The following TSC2 variants were observed in gnomAD, a reference collection of about 807,000 sequenced individuals.
TSC2 encodes the protein TSC complex subunit 2.
In TSC2, 29 loss-of-function variants were observed where a neutral mutation model predicts 202.2. The observed-to-expected ratio is 0.14, with a 90% CI of 0.11 to 0.20. TSC2 has a LOEUF of 0.20. TSC2 is among the 10% of genes least tolerant of loss of function. TSC2 has a pLI of 1.00. For missense variants in TSC2, 2,429 were observed against 2,420.0 expected, an observed-to-expected ratio of 1.00 and a Z score of -0.08; for synonymous variants, 1,349 against 1,044.0, an observed-to-expected ratio of 1.29 and a Z score of -5.63.
intron 26 of TSC2, chr16:2,078,696 G>C: frequency 2.5e-6 from 1 of 399,326 alleles, no homozygotes; most frequent in Non-Finnish European, 4.7e-6. Context: ...GGGCCTGTCT[G>C]TGTGGCCTCC....
rs886051794 is a variant in TSC2 at position 2,084,440 on chromosome 16, C to T, written c.4218C>T (p.Asp1406=). 48 of 1,609,392 alleles carry T rather than the reference C, an allele frequency of 3.0e-5. 1 individual carries two copies. Among genetic ancestry groups the T allele is most frequent in the South Asian group, 5.5e-5 (5 of 90,462 alleles). Residue 1406 remains aspartate, a synonymous_variant, in exon 34 of 42, where the codon GAC becomes GAT. Coordinates refer to ENST00000219476, the MANE Select transcript of TSC2 (RefSeq NM_000548.5). ...DILGDPGDKA[D]VGRLSPEVKA... ...TCGGGGACCCTGGGGACAAGGCCGACGTGGGCCGGCTGAGCCCTGAGGTTA... is the reference window on the plus strand; with the variant it reads ...TCGGGGACCCTGGGGACAAGGCCGATGTGGGCCGGCTGAGCCCTGAGGTTA...
Position 2,081,687 on chromosome 16 carries a change from C to T in TSC2, c.3703C>T (p.Leu1235Phe), listed in dbSNP as rs137854303. The T allele has an allele frequency of 1.2e-6, 2 of 1,612,978 alleles. No individual in the cohort carries two copies. Among genetic ancestry groups the T allele is most frequent in the South Asian group, 1.1e-5 (1 of 91,088 alleles). The change falls in exon 31 of 42, where the codon CTC (leucine) becomes TTC (phenylalanine). Residue 1235 changes from leucine to phenylalanine, a missense_variant. Transcript: ENST00000219476. ...NMPLQELSNA[L>F]MAAERFKEHR... ...GCCCCTGCAGGAGCTGTCTAACGCC[C>T]TCATGGCGGCTGAGCGCTTCAAGGA...
intron 15 of TSC2, chr16:2,064,914 GA>G (rs2087111957): frequency 4.3e-6 from 1 of 230,514 alleles, no homozygotes; most frequent in Non-Finnish European, 8.6e-6. Context: ...AGGAGTTCAA[GA>G]CCAGCCTGGC....
chr16:2,076,254 A>T, intron 24 of TSC2, 84 bp downstream of exon 24: 1 of 1,593,772 alleles, frequency 6.3e-7, no homozygotes, highest in Non-Finnish European at 8.5e-7. Context: ...GGGCAGAGTG[A>T]CAGGCAGGTG....
chr16:2,069,528 G>A (rs898434606), intron 16 of TSC2, among the ~76,000 whole-genome samples: 1 of 150,030 alleles, frequency 6.7e-6, no homozygotes, highest in Non-Finnish European at 1.5e-5. Flanking sequence ...CGCCCAGGCT[G>A]GAGTGCAGTG....
chr16:2,058,943 C>G, intron 10 of TSC2, 70 bp downstream of exon 10: 1 of 1,567,734 alleles, frequency 6.4e-7, no homozygotes, highest in Non-Finnish European at 8.6e-7. Flanking sequence ...CCCACCCATC[C>G]CACTGGGGGT....
At chr16:2,067,712 G>A (rs759767798) in intron 16 of TSC2, among the ~76,000 whole-genome samples, 7 of 152,206 alleles carry the variant, frequency 4.6e-5, no homozygotes, top group African/African-American at 7.2e-5. Flanking sequence ...AGAGGGTACA[G>A]TAAGCCCAGA....
intron 22 of TSC2, 41 bp downstream of exon 22, chr16:2,074,430 G>C (rs756581706): frequency 6.2e-7 from 1 of 1,602,324 alleles, no homozygotes; most frequent in South Asian, 1.1e-5. Context: ...CGAGAGGTTC[G>C]GGCTGTGTAA....
At chr16:2,083,471 C>T (rs2090381426) in intron 32 of TSC2, 5 of 738,220 alleles carry the variant, frequency 6.8e-6, no homozygotes, top group East Asian at 2.7e-5. Flanking sequence ...ATTGCCTGCC[C>T]AACCCCCGGG....
At chr16:2,089,491 AC>A (rs1053597274), downstream of TSC2, 3 of 576,952 alleles carry the variant, frequency 5.2e-6, no homozygotes, top group African/African-American at 3.8e-5. Flanking sequence ...GAGGCTAGAA[AC>A]CGTCCAATAC....
intron 30 of TSC2, 28 bp from the exon 31 acceptor site, chr16:2,081,567 C>T (rs45517303): frequency 7.4e-6 from 12 of 1,612,704 alleles, no homozygotes; most frequent in Non-Finnish European, 1.0e-5. Context: ...GTACTGGCCT[C>T]AGGCCAAAGG....
chr16:2,056,784 A>T lies in TSC2; in HGVS notation c.774+15A>T, dbSNP rs747841616. On this transcript the variant is annotated intron_variant, in intron 8 of 41. Transcript: ENST00000219476. ...CTTGCTGGAAGGTGGGGTTTCTGAA[A>T]CTGCTCTGGAAGGTTCCTGAGAGCA... is the stretch of plus-strand genomic sequence containing the variant. 3 of 1,605,460 alleles carry T rather than the reference A, an allele frequency of 1.9e-6. No individual in the cohort carries two copies. The highest frequency in any genetic ancestry group is 2.5e-6 in the Non-Finnish European group (3 of 1,179,928).
At chr16:2,064,217 C>A in intron 14 of TSC2, 55 bp from the exon 15 acceptor site, 3 of 1,613,174 alleles carry the variant, frequency 1.9e-6, no homozygotes, top group Non-Finnish European at 2.5e-6. Context: ...GGAAGTGTCA[C>A]GAGATGTGGC....
At position 2,075,400 on chromosome 16, in the gene TSC2, G is replaced by A. The variant is rs146540014; in HGVS notation, c.2546-399G>A. On this transcript the variant is annotated intron_variant, in intron 22 of 41. Coordinates refer to ENST00000219476, the MANE Select transcript of TSC2 (RefSeq NM_000548.5). ...AAACTAGCCAGGCGTGGTGGCGGGC[G>A]CCTGTAGTCCCAGCTACTTGGGAGG... The A allele has an allele frequency of 3.0e-3, 640 of 210,664 alleles. 2 individuals carry two copies. The highest frequency in any genetic ancestry group is 0.013 in the East Asian group (112 of 8,332). The allele number at this position is 210,664 out of a possible 1,614,324, so 13.0% of individuals were successfully genotyped here. A position where few individuals can be genotyped will look rare whatever the true frequency, so the allele number is the denominator to read the frequency against.
chr16:2,073,091 G>T, intron 21 of TSC2, 108 bp downstream of exon 21: 1 of 1,544,496 alleles, frequency 6.5e-7, no homozygotes, highest in South Asian at 1.2e-5. Context: ...CCAGGCCAGG[G>T]ATGAGTGAGT....
At chr16:2,077,312 CCA>C in intron 25 of TSC2, 2 of 454,962 alleles carry the variant, frequency 4.4e-6, no homozygotes, top group Non-Finnish European at 8.2e-6. Context: ...TGGGGGTGAC[CCA>C]CACACGTTTA....
At chr16:2,082,346 C>G in intron 31 of TSC2, 90 bp from the exon 32 acceptor site, 1 of 1,483,476 alleles carries the variant, frequency 6.7e-7, no homozygotes, top group East Asian at 2.3e-5. Flanking sequence ...TGCCCTCTCT[C>G]CTCTGCAGGC....
At chr16:2,080,424 A>C (rs749111766) in intron 30 of TSC2, 47 bp downstream of exon 30, 1 of 1,603,044 alleles carries the variant, frequency 6.2e-7, no homozygotes, top group Non-Finnish European at 8.5e-7. Flanking sequence ...CCAGTCACCC[A>C]CAGAGCTGTG....
At position 2,056,789 on chromosome 16, in the gene TSC2, T is replaced by C. The variant is rs1291650358; in HGVS notation, c.774+20T>C. 1.9e-6 allele frequency: 3 copies of C among 1,604,720 alleles called. No individual in the cohort carries two copies. Among genetic ancestry groups the C allele is most frequent in the Non-Finnish European group, 1.7e-6 (2 of 1,179,958 alleles). On this transcript the variant is annotated intron_variant, in intron 8 of 41. Coordinates refer to ENST00000219476, the MANE Select transcript of TSC2 (RefSeq NM_000548.5). ...TGGAAGGTGGGGTTTCTGAAACTGCTCTGGAAGGTTCCTGAGAGCACATGG... is the reference window on the plus strand; with the variant it reads ...TGGAAGGTGGGGTTTCTGAAACTGCCCTGGAAGGTTCCTGAGAGCACATGG...
Sources: allele counts gnomAD v4.1 joint callset (sites outside exome capture counted in the v4.1 genomes callset), GRCh38; gene constraint gnomAD v4.1.1; transcripts MANE v1.5; gene names NCBI Gene and HGNC (gene_info 2026-07-23, HGNC 2026-07-21).